The following MYO5B variants were observed in gnomAD, a reference collection of about 807,000 sequenced individuals.
The protein encoded by MYO5B is myosin VB.
MYO5B carries 143 observed loss-of-function variants against 229.3 expected under a neutral mutation model. The ratio of observed to expected loss-of-function variants is 0.62; its 90% CI spans 0.54 to 0.72. The LOEUF is 0.72. MYO5B is among the 30% of genes least tolerant of loss of function. MYO5B has a pLI of 0.00. For synonymous variants in MYO5B, 918 were observed against 885.2 expected, an observed-to-expected ratio of 1.04 and a Z score of -0.66; for missense variants, 2,321 against 2,331.0, an observed-to-expected ratio of 1.00 and a Z score of 0.09.
chr18:50,094,261 T>G (rs1244162616), intron 1 of MYO5B, among the ~76,000 whole-genome samples: 1 of 152,176 alleles, frequency 6.6e-6, no homozygotes, highest in Non-Finnish European at 1.5e-5. Context: ...GTATAATCCT[T>G]GTGTTTAAAA....
At chr18:50,043,301 TATATA>T (rs1052989893) in intron 2 of MYO5B, among the ~76,000 whole-genome samples, 2 of 116,674 alleles carry the variant, frequency 1.7e-5, no homozygotes, top group Non-Finnish European at 3.3e-5. Flanking sequence ...TTATATATAA[TATATA>T]ATATAAATAT....
In MYO5B at chr18:49,837,441, G is replaced by C; in HGVS notation, c.5138+76C>G. On this transcript the variant is annotated intron_variant, in intron 37 of 39. Transcript: ENST00000285039. ...TTGGATTTCATTTTTAGAAACAGCA[G>C]TCTTGTGTTCTGATTCTAGCTGCAG... The C allele has an allele frequency of 6.5e-6, 10 of 1,541,034 alleles. No homozygotes were observed. In the South Asian group the frequency reaches 1.1e-4, roughly 17 times the overall value.
intron 9 of MYO5B, among the ~76,000 whole-genome samples, chr18:49,976,435 C>A (rs1261161777): frequency 6.6e-6 from 1 of 152,100 alleles, no homozygotes; most frequent in Admixed American, 6.6e-5. Flanking sequence ...ACAGTAGTTG[C>A]AAAGAACATT....
chr18:49,931,026 A>G (rs80187959), intron 16 of MYO5B, among the ~76,000 whole-genome samples: 7,628 of 152,210 alleles, frequency 0.05, 271 homozygotes, highest in South Asian at 0.14. Flanking sequence ...ATTTGCTAAG[A>G]TTACTGCCCC....
intron 18 of MYO5B, among the ~76,000 whole-genome samples, chr18:49,908,039 G>GC (rs2024919069): frequency 6.6e-6 from 1 of 152,230 alleles, no homozygotes; most frequent in South Asian, 2.1e-4. Flanking sequence ...CGGTAGCTAA[G>GC]CCCCTGAGTC....
chr18:49,872,172 G>A lies in MYO5B; in HGVS notation c.3598C>T (p.Leu1200=), dbSNP rs1361198179. Residue 1200 remains leucine (L), a synonymous_variant, in exon 27 of 40, where the codon CTG becomes TTG. Coordinates refer to ENST00000285039, the MANE Select transcript of MYO5B (RefSeq NM_001080467.3). ...CTGTCCCCCAAGAATCTTACCTTCA[G>A]ACTATTGTAGGCCAGATCTGCATTC... ...DPNADLAYNS[L]KRQELESENK... is the part of the protein sequence containing the mutation. 1 of 1,614,016 alleles carries A rather than the reference G, an allele frequency of 6.2e-7. No homozygotes were observed. Among genetic ancestry groups the A allele is most frequent in the Non-Finnish European group, 8.5e-7 (1 of 1,179,942 alleles).
Position 49,825,908 on chromosome 18 carries a change from G to A in MYO5B, c.*563C>T, listed in dbSNP as rs1196932353. 1.2e-5 allele frequency: 2 copies of A among 162,820 alleles called. No homozygotes were observed. Among genetic ancestry groups the A allele is most frequent in the African/African-American group, 4.8e-5 (2 of 41,464 alleles). 10.1% of individuals were successfully genotyped at this position (162,820 alleles called of 1,614,324 possible). A position where few individuals can be genotyped will look rare whatever the true frequency, so the allele number is the denominator to read the frequency against. The stretch of plus-strand genomic sequence containing the variant: ...TTACACCACTGTCTGTGTATAATCA[G>A]CCATTAAAAAATATTTTGGGAATAT... On this transcript the variant is annotated 3_prime_UTR_variant, in exon 40 of 40. Transcript: ENST00000285039.
intron 1 of MYO5B, among the ~76,000 whole-genome samples, chr18:50,057,336 C>A (rs1379178983): frequency 6.6e-6 from 1 of 152,224 alleles, no homozygotes; most frequent in Non-Finnish European, 1.5e-5. Flanking sequence ...CCAGCATACC[C>A]AAGAAATTTT....
chr18:50,041,795 C>A (rs1191168971), intron 2 of MYO5B, among the ~76,000 whole-genome samples: 1 of 152,120 alleles, frequency 6.6e-6, no homozygotes, highest in Non-Finnish European at 1.5e-5. Context: ...TAATTTAAAA[C>A]TTTAAACCTA....
intron 2 of MYO5B, among the ~76,000 whole-genome samples, chr18:50,042,477 G>A (rs1047965053): frequency 2.6e-5 from 4 of 151,804 alleles, no homozygotes; most frequent in Non-Finnish European, 4.4e-5. Flanking sequence ...CTTTTTTTGT[G>A]AAAAGCTTTT....
chr18:50,040,453 C>G (rs2029979758), intron 2 of MYO5B, 139 bp from the exon 3 acceptor site: 2 of 964,644 alleles, frequency 2.1e-6, no homozygotes, highest in Non-Finnish European at 3.3e-6. Context: ...GAAAGACAAG[C>G]TGAACAAAAT....
intron 33 of MYO5B, among the ~76,000 whole-genome samples, chr18:49,844,682 T>C (rs1203538807): frequency 6.6e-6 from 1 of 152,240 alleles, no homozygotes; most frequent in Non-Finnish European, 1.5e-5. Flanking sequence ...GGATTGGCCA[T>C]TGGCTCTAGT....
intron 17 of MYO5B, among the ~76,000 whole-genome samples, chr18:49,924,642 G>A (rs1049747171): frequency 6.6e-6 from 1 of 152,176 alleles, no homozygotes; most frequent in Non-Finnish European, 1.5e-5. Context: ...TTCCTCCTCT[G>A]ATAAACCTTT....
chr18:50,184,395 A>C (rs1306772609), intron 1 of MYO5B, among the ~76,000 whole-genome samples: 1 of 152,142 alleles, frequency 6.6e-6, no homozygotes, highest in Non-Finnish European at 1.5e-5. Flanking sequence ...CTAGGCAGAA[A>C]GGACCCTCTA....
intron 8 of MYO5B, among the ~76,000 whole-genome samples, chr18:49,983,976 A>C (rs1057246428): frequency 6.6e-6 from 1 of 152,220 alleles, no homozygotes; most frequent in African/African-American, 2.4e-5. Context: ...CTTTCAGAGA[A>C]GGGGCTGGGG....
At position 49,964,614 on chromosome 18, in the gene MYO5B, T is replaced by G. The variant is rs565489559; in HGVS notation, c.1323-1584A>C. ...TGTAATGTTAGCTTTTTAAAGTCTT[T>G]GGTTCCTTGGAACATAAAAAGTCTG... On this transcript the variant is annotated intron_variant, in intron 10 of 39. Coordinates refer to ENST00000285039, the MANE Select transcript of MYO5B (RefSeq NM_001080467.3). Among the ~76,000 whole-genome samples the G allele has an allele frequency of 2.0e-5, 3 of 152,348 alleles. No individual in the cohort carries two copies. The East Asian group carries it at 5.8e-4, about 29-fold the overall frequency.
At chr18:50,156,558 C>A (rs535092576) in intron 1 of MYO5B, among the ~76,000 whole-genome samples, 29 of 152,304 alleles carry the variant, frequency 1.9e-4, no homozygotes, top group African/African-American at 6.7e-4. Context: ...GCCTCCCCAG[C>A]CATGCTGAAC....
intron 1 of MYO5B, among the ~76,000 whole-genome samples, chr18:50,078,996 C>T (rs2031152484): frequency 6.6e-6 from 1 of 152,166 alleles, no homozygotes; most frequent in Admixed American, 6.5e-5. Flanking sequence ...CTAAACTATT[C>T]CATTTGCAGA....
At chr18:49,912,489 T>C (rs1440216609) in intron 17 of MYO5B, among the ~76,000 whole-genome samples, 4 of 152,220 alleles carry the variant, frequency 2.6e-5, no homozygotes, top group African/African-American at 9.7e-5. Context: ...CATCGTGAAT[T>C]GTACCTCCCA....
Sources: allele counts gnomAD v4.1 joint callset (sites outside exome capture counted in the v4.1 genomes callset), GRCh38; gene constraint gnomAD v4.1.1; transcripts MANE v1.5; gene names NCBI Gene and HGNC (gene_info 2026-07-23, HGNC 2026-07-21).